Variants in XKR9 observed in about 807,000 individuals in gnomAD.
XKR9 encodes the protein XK related 9, also known as XK-related protein 9.
Under a neutral mutation model 32.0 loss-of-function variants are expected in XKR9, and 32 were observed. That is an observed-to-expected ratio of 1.00 (90% CI 0.76 to 1.34). The LOEUF (loss-of-function observed/expected upper bound fraction) is 1.34, where lower values mean the gene tolerates loss of function less well. Ranked by LOEUF, XKR9 falls within the 40% of genes most tolerant of loss-of-function variation. The probability of loss-of-function intolerance (pLI) is 0.00; values close to 1 mark genes in which losing one functional copy is unlikely to be tolerated. For missense variants in XKR9, 546 were observed against 429.7 expected, an observed-to-expected ratio of 1.27 and a Z score of -2.39; for synonymous variants, 168 against 143.4, an observed-to-expected ratio of 1.17 and a Z score of -1.22.
chr8:70,779,660 A>G (rs1364034282), intron 2 of XKR9, among the ~76,000 whole-genome samples: 2 of 152,030 alleles, frequency 1.3e-5, no homozygotes, highest in African/African-American at 4.8e-5. Context: ...CAGAGATTTG[A>G]CTTCTTCCTG....
At chr8:71,055,541 T>C in the XKR9 span, among the ~76,000 whole-genome samples, 15 of 152,134 alleles carry the variant, frequency 9.9e-5, no homozygotes, top group Non-Finnish European at 8.8e-5. Flanking sequence ...CCATTATGCC[T>C]GAAACAGAAC....
intron 2 of XKR9, among the ~76,000 whole-genome samples, chr8:70,745,209 C>G (rs149686276): frequency 3.9e-5 from 6 of 152,052 alleles, no homozygotes; most frequent in African/African-American, 1.4e-4. Flanking sequence ...AAATAGTAAG[C>G]TTTTAAAATG....
chr8:70,795,498 A>G, the XKR9 span, among the ~76,000 whole-genome samples: 1 of 152,240 alleles, frequency 6.6e-6, no homozygotes, highest in Non-Finnish European at 1.5e-5. Context: ...GTATATACCC[A>G]GTAATGGAAT....
chr8:70,683,449 T>C (rs1819152486), intron 3 of XKR9: 1 of 429,168 alleles, frequency 2.3e-6, no homozygotes, highest in African/African-American at 2.1e-5. Flanking sequence ...TCTTTATTTT[T>C]TATTTCTTCT....
the XKR9 span, among the ~76,000 whole-genome samples, chr8:70,912,259 GATCAGATTCATAATTTCATAAC>G: frequency 6.6e-6 from 1 of 152,026 alleles, no homozygotes; most frequent in African/African-American, 2.4e-5. Context: ...TTTGTGACAT[GATCAGATTCATAATTTCATAAC>G]ATCACTAGTA....
At chr8:70,887,566 G>A in the XKR9 span, among the ~76,000 whole-genome samples, 2 of 152,048 alleles carry the variant, frequency 1.3e-5, no homozygotes, top group Admixed American at 6.6e-5. Context: ...AGCATTGAAT[G>A]TTTTTCTATT....
the XKR9 span, among the ~76,000 whole-genome samples, chr8:70,837,075 T>C: frequency 6.6e-6 from 1 of 152,098 alleles, no homozygotes; most frequent in Admixed American, 6.6e-5. Flanking sequence ...CCTCTAGGTC[T>C]ATGACGAGCG....
chr8:70,724,678 G>A (rs532738172), intron 4 of XKR9, among the ~76,000 whole-genome samples: 1 of 152,142 alleles, frequency 6.6e-6, no homozygotes, highest in Non-Finnish European at 1.5e-5. Flanking sequence ...AACCCACCCT[G>A]CTTCTGCTCG....
At chr8:71,054,638 T>G in the XKR9 span, among the ~76,000 whole-genome samples, 1 of 152,226 alleles carries the variant, frequency 6.6e-6, no homozygotes, top group Non-Finnish European at 1.5e-5. Flanking sequence ...CTGCTGCTGC[T>G]GCTCTGTTTG....
intron 2 of XKR9, among the ~76,000 whole-genome samples, chr8:70,762,292 CT>C (rs1807319648): frequency 6.6e-6 from 1 of 152,172 alleles, no homozygotes; most frequent in Non-Finnish European, 1.5e-5. Context: ...TCCATTCCCT[CT>C]TTTTCCAGCC....
chr8:71,024,471 C>T, the XKR9 span, among the ~76,000 whole-genome samples: 1 of 152,128 alleles, frequency 6.6e-6, no homozygotes, highest in Non-Finnish European at 1.5e-5. Context: ...GCAGGGGCTA[C>T]TGGGCCCTGT....
chr8:70,673,261 G>T (rs1449185045), intron 1 of XKR9, among the ~76,000 whole-genome samples: 1 of 152,118 alleles, frequency 6.6e-6, no homozygotes. Flanking sequence ...AGCTTCATTA[G>T]CTTTTTTTAA....
the XKR9 span, among the ~76,000 whole-genome samples, chr8:70,865,237 T>C: frequency 2.0e-3 from 309 of 152,148 alleles, 3 homozygotes; most frequent in East Asian, 0.017. Context: ...AAAGAATCTT[T>C]CATTTATATT....
chr8:70,836,958 C>G, the XKR9 span, among the ~76,000 whole-genome samples: 1 of 151,874 alleles, frequency 6.6e-6, no homozygotes, highest in Non-Finnish European at 1.5e-5. Flanking sequence ...ATTTTCATTT[C>G]AAAATAATTC....
chr8:70,734,141 G>A lies in XKR9; in HGVS notation c.839G>A (p.Gly280Glu). Residue 280 changes from glycine to glutamate, a missense_variant, in exon 5 of 5, where the codon GGA becomes GAA. Physicochemically the swap from Gly to Glu is moderately conservative, Grantham distance 98 (BLOSUM62 -2). Coordinates refer to ENST00000408926, the MANE Select transcript of XKR9 (RefSeq NM_001011720.2). ...ILIFTFFNIK[G>E]QNTKCPMSCY... ...ATCTTTACATTTTTTAATATTAAGG[G>A]ACAGAATACCAAGTGTCCAATGTCT... 6.2e-7 allele frequency: 1 copy of A among 1,612,312 alleles called. No homozygotes were observed. Among genetic ancestry groups the A allele is most frequent in the South Asian group, 1.1e-5 (1 of 90,948 alleles).
chr8:70,749,772 G>A (rs536574525), intron 2 of XKR9, among the ~76,000 whole-genome samples: 6 of 152,280 alleles, frequency 3.9e-5, no homozygotes, highest in African/African-American at 1.4e-4. Context: ...GGCCACAGAG[G>A]GTTTCTGGCT....
At chr8:70,932,179 TAATA>T in the XKR9 span, among the ~76,000 whole-genome samples, 230 of 151,854 alleles carry the variant, frequency 1.5e-3, no homozygotes, top group Non-Finnish European at 3.0e-3. Context: ...TATTATTAAT[TAATA>T]TAGATATTAA....
chr8:70,774,764 G>T (rs1342489103), intron 2 of XKR9, among the ~76,000 whole-genome samples: 1 of 152,036 alleles, frequency 6.6e-6, no homozygotes, highest in Admixed American at 6.6e-5. Context: ...CTATCCTTAG[G>T]CTAGTGCACA....
the XKR9 span, among the ~76,000 whole-genome samples, chr8:70,929,652 G>T: frequency 6.6e-6 from 1 of 152,204 alleles, no homozygotes; most frequent in Non-Finnish European, 1.5e-5. Context: ...GGTGGCCAGG[G>T]TTTGCTCTCA....
Sources: allele counts gnomAD v4.1 joint callset (sites outside exome capture counted in the v4.1 genomes callset), GRCh38; gene constraint gnomAD v4.1.1; transcripts MANE v1.5; gene names NCBI Gene and HGNC (gene_info 2026-07-23, HGNC 2026-07-21).